The following HPSE2 variants were observed in gnomAD, a reference collection of about 807,000 sequenced individuals.
The protein encoded by HPSE2 is heparanase 2 (inactive), also known as inactive heparanase-2.
Under a neutral mutation model 60.5 loss-of-function variants are expected in HPSE2, and 38 were observed. The observed-to-expected ratio is 0.63, with a 90% CI of 0.48 to 0.82. The LOEUF (loss-of-function observed/expected upper bound fraction) is 0.82. Ranked by LOEUF, HPSE2 falls within the 40% of genes least tolerant of loss-of-function variation. The pLI is 0.00. For synonymous variants in HPSE2, 295 were observed against 293.2 expected, an observed-to-expected ratio of 1.01 and a Z score of -0.06; for missense variants, 713 against 740.4, an observed-to-expected ratio of 0.96 and a Z score of 0.43.
At chr10:99,063,708 C>T (rs966981067) in intron 3 of HPSE2, among the ~76,000 whole-genome samples, 2 of 152,194 alleles carry the variant, frequency 1.3e-5, no homozygotes, top group African/African-American at 4.8e-5. Flanking sequence ...TATACACAGA[C>T]ATTTTATATT....
At chr10:99,072,029 T>G (rs900422341) in intron 3 of HPSE2, among the ~76,000 whole-genome samples, 22 of 147,722 alleles carry the variant, frequency 1.5e-4, no homozygotes, top group South Asian at 8.4e-4. Context: ...TTGTTTGTTT[T>G]TTTTTTTTTA....
At chr10:99,082,869 A>T (rs1448207694) in intron 3 of HPSE2, among the ~76,000 whole-genome samples, 1 of 152,180 alleles carries the variant, frequency 6.6e-6, no homozygotes, top group Non-Finnish European at 1.5e-5. Flanking sequence ...AAAATAACTG[A>T]ATTTCGAAAA....
chr10:99,121,302 G>C (rs1324439666), intron 3 of HPSE2, among the ~76,000 whole-genome samples: 2 of 152,122 alleles, frequency 1.3e-5, no homozygotes, highest in Admixed American at 6.6e-5. Flanking sequence ...AGGGTGGAGG[G>C]TGGGAGGAGG....
At chr10:98,686,566 A>G (rs933069868) in intron 6 of HPSE2, among the ~76,000 whole-genome samples, 2 of 151,984 alleles carry the variant, frequency 1.3e-5, no homozygotes, top group African/African-American at 4.8e-5. Flanking sequence ...CATGCCCAGC[A>G]AATTTTTTAA....
At chr10:99,099,302 C>T (rs927974745) in intron 3 of HPSE2, among the ~76,000 whole-genome samples, 17 of 152,328 alleles carry the variant, frequency 1.1e-4, no homozygotes, top group East Asian at 7.7e-4. Flanking sequence ...TCTAATACTG[C>T]GCTTTTCCAA....
chr10:99,215,487 G>A (rs987091737), intron 2 of HPSE2, among the ~76,000 whole-genome samples: 2 of 152,150 alleles, frequency 1.3e-5, no homozygotes, highest in East Asian at 1.9e-4. Flanking sequence ...AAAGGAGGGA[G>A]AGCATCAGGA....
chr10:99,076,136 C>T (rs1327595957), intron 3 of HPSE2, among the ~76,000 whole-genome samples: 6 of 151,662 alleles, frequency 4.0e-5, no homozygotes, highest in Admixed American at 1.3e-4. Context: ...TCCTCTCTTG[C>T]TGTCTTCCCT....
At chr10:98,746,501 T>C (rs1047602576) in intron 3 of HPSE2, among the ~76,000 whole-genome samples, 6 of 151,996 alleles carry the variant, frequency 3.9e-5, no homozygotes, top group Admixed American at 3.3e-4. Flanking sequence ...CTAACAAACC[T>C]ACCCTTAGAA....
At chr10:98,515,698 T>A (rs949392075) in intron 9 of HPSE2, among the ~76,000 whole-genome samples, 2 of 152,200 alleles carry the variant, frequency 1.3e-5, no homozygotes, top group Admixed American at 6.5e-5. Context: ...CTTTCAGGAA[T>A]GAACATTTAA....
At chr10:98,737,266 A>G (rs912950117) in intron 4 of HPSE2, among the ~76,000 whole-genome samples, 1 of 141,718 alleles carries the variant, frequency 7.1e-6, no homozygotes, top group Non-Finnish European at 1.5e-5. Context: ...ATAAATGCAC[A>G]TTTATATATT....
chr10:98,676,297 T>C (rs1947641926), intron 6 of HPSE2, among the ~76,000 whole-genome samples: 1 of 152,170 alleles, frequency 6.6e-6, no homozygotes, highest in African/African-American at 2.4e-5. Flanking sequence ...GCTCAGACTG[T>C]TGTTCAGAGT....
At chr10:99,162,699 G>T (rs1229536970) in intron 2 of HPSE2, among the ~76,000 whole-genome samples, 2 of 152,060 alleles carry the variant, frequency 1.3e-5, no homozygotes, top group Non-Finnish European at 2.9e-5. Flanking sequence ...TAGTCTTCTA[G>T]TCTCTGACCC....
intron 3 of HPSE2, among the ~76,000 whole-genome samples, chr10:98,967,569 A>G (rs981486352): frequency 1.3e-5 from 2 of 152,226 alleles, no homozygotes; most frequent in Non-Finnish European, 2.9e-5. Context: ...CTGTTTAAAA[A>G]GAAAAACAAA....
intron 3 of HPSE2, among the ~76,000 whole-genome samples, chr10:98,771,515 G>A (rs996833390): frequency 6.6e-6 from 1 of 152,128 alleles, no homozygotes; most frequent in Non-Finnish European, 1.5e-5. Context: ...TCCTCTCCTG[G>A]ATACCAGGCT....
intron 2 of HPSE2, among the ~76,000 whole-genome samples, chr10:99,155,219 C>G (rs1278894648): frequency 7.0e-6 from 1 of 143,194 alleles, no homozygotes; most frequent in Admixed American, 7.1e-5. Flanking sequence ...ACAAGGATAC[C>G]CAGGAATTGA....
intron 9 of HPSE2, among the ~76,000 whole-genome samples, chr10:98,546,345 A>G (rs1943673304): frequency 7.2e-6 from 1 of 139,520 alleles, no homozygotes; most frequent in Non-Finnish European, 1.6e-5. Flanking sequence ...TGCATCGCCA[A>G]GTCAATCCTA....
intron 3 of HPSE2, among the ~76,000 whole-genome samples, chr10:98,896,186 T>A (rs1049448033): frequency 2.0e-5 from 3 of 152,090 alleles, no homozygotes; most frequent in Admixed American, 2.0e-4. Context: ...CATCTAAATA[T>A]CTCATTGCCT....
intron 3 of HPSE2, among the ~76,000 whole-genome samples, chr10:98,813,526 T>C (rs1194639906): frequency 2.6e-5 from 4 of 152,130 alleles, no homozygotes; most frequent in Non-Finnish European, 5.9e-5. Flanking sequence ...AAAGTGGCCC[T>C]GCCCACAAAG....
intron 3 of HPSE2, among the ~76,000 whole-genome samples, chr10:99,100,212 C>T (rs773581530): frequency 3.9e-5 from 6 of 152,058 alleles, no homozygotes; most frequent in Non-Finnish European, 7.4e-5. Context: ...GAAGGAAGTT[C>T]GAATCCATCG....
Sources: gnomAD v4.1 joint callset for allele counts (sites outside exome capture counted in the v4.1 genomes callset) on GRCh38, gnomAD v4.1.1 for gene constraint, MANE v1.5 for transcripts, NCBI Gene and HGNC (gene_info 2026-07-23, HGNC 2026-07-21) for gene names.